Variants in DNAAF5 observed in about 807,000 individuals in gnomAD.
The protein encoded by DNAAF5 is dynein axonemal assembly factor 5, also known as HEAT repeat containing 2.
In DNAAF5, 64 loss-of-function variants were observed where a neutral mutation model predicts 75.8. That is an observed-to-expected ratio of 0.84 (90% CI 0.69 to 1.04). The LOEUF (loss-of-function observed/expected upper bound fraction) is 1.04. Ranked by LOEUF, DNAAF5 falls within the 50% of genes least tolerant of loss-of-function variation. The probability of loss-of-function intolerance (pLI) is 0.00; values close to 1 mark genes in which losing one functional copy is unlikely to be tolerated. For synonymous variants in DNAAF5, 657 were observed against 557.2 expected (o/e 1.18, Z -2.52); for missense variants, 1,269 against 1,178.5 (o/e 1.08, Z -1.12).
chr7:739,707 C>A (rs972633946), intron 2 of DNAAF5, among the ~76,000 whole-genome samples: 2 of 152,184 alleles, frequency 1.3e-5, no homozygotes, highest in African/African-American at 2.4e-5. Flanking sequence ...CCCTGTCAGT[C>A]ATTCTTTCCC....
At chr7:775,487 C>G (rs1023459651) in intron 11 of DNAAF5, among the ~76,000 whole-genome samples, 1 of 151,564 alleles carries the variant, frequency 6.6e-6, no homozygotes, top group Non-Finnish European at 1.5e-5. Context: ...GGCAACAGAC[C>G]AAAACCTTGT....
At chr7:736,459 T>A (rs1227700819) in intron 2 of DNAAF5, among the ~76,000 whole-genome samples, 1 of 152,264 alleles carries the variant, frequency 6.6e-6, no homozygotes, top group Non-Finnish European at 1.5e-5. Context: ...CATTATATGA[T>A]GACCTTTGTC....
At chr7:755,233 A>T (rs974278352) in intron 5 of DNAAF5, among the ~76,000 whole-genome samples, 2 of 151,928 alleles carry the variant, frequency 1.3e-5, no homozygotes, top group African/African-American at 4.8e-5. Context: ...CAGACGGGGG[A>T]TGATGGCACA....
chr7:777,787 A>C (rs2128085885), intron 11 of DNAAF5, among the ~76,000 whole-genome samples: 1 of 152,324 alleles, frequency 6.6e-6, no homozygotes, highest in East Asian at 1.9e-4. Context: ...AGTGACGTGA[A>C]AGCCAGGAAT....
intron 10 of DNAAF5, 83 bp downstream of exon 10, chr7:774,281 G>A (rs1291607922): frequency 2.1e-6 from 3 of 1,405,692 alleles, no homozygotes; most frequent in East Asian, 5.0e-5. Context: ...CCCGCAGCAG[G>A]AACTTGGGCA....
At chr7:771,402 C>G (rs954429508) in intron 9 of DNAAF5, 2 of 152,314 alleles carry the variant, frequency 1.3e-5, no homozygotes, top group Non-Finnish European at 2.9e-5. Context: ...TGGGTCCTAC[C>G]CCCGCCTGTG....
intron 11 of DNAAF5, among the ~76,000 whole-genome samples, chr7:778,912 G>A (rs73036257): frequency 2.0e-5 from 3 of 152,364 alleles, no homozygotes; most frequent in Non-Finnish European, 4.4e-5. Context: ...TGCCGTGCAG[G>A]GCTGCTTCAG....
rs528646224 is a variant in DNAAF5, at chr7:762,018, T to C, written c.1614+122T>C. ...GTGCTTGACCAGCAAAGACCAGGGA[T>C]TGAGAACCTTGCGGGTGAGTCCCCG... On this transcript the variant is annotated intron_variant, in intron 7 of 12. Coordinates refer to ENST00000297440, the MANE Select transcript of DNAAF5 (RefSeq NM_017802.4). 9.7e-6 allele frequency: 11 copies of C among 1,133,388 alleles called. No individual in the cohort carries two copies. In the South Asian group the frequency reaches 1.8e-4, roughly 19 times the overall value. The allele number at this position is 1,133,388 out of a possible 1,614,324, so 70.2% of individuals were successfully genotyped here.
rs767040389 is a variant in DNAAF5, at chr7:754,832, G to A, written c.1257+11G>A. Reference sequence around the variant, plus strand: ...GCCGTGGTCCAAAGTGTAAGTGGCCGTATTCCAGTCGTGGTCGCGGAGCTG... The same window carrying A: ...GCCGTGGTCCAAAGTGTAAGTGGCCATATTCCAGTCGTGGTCGCGGAGCTG... On this transcript the variant is annotated intron_variant, in intron 5 of 12. Coordinates refer to ENST00000297440, the MANE Select transcript of DNAAF5 (RefSeq NM_017802.4). This position sits in a 1 kb window ranked among gnomAD's most constrained non-coding sequence, Gnocchi z 4.8. The A allele has an allele frequency of 9.5e-6, 15 of 1,583,968 alleles. No individual in the cohort carries two copies. Among genetic ancestry groups the A allele is most frequent in the Admixed American group, 5.2e-5 (3 of 58,082 alleles).
intron 4 of DNAAF5, 134 bp downstream of exon 4, chr7:741,599 C>T (rs1483881708): frequency 1.6e-6 from 1 of 615,696 alleles, no homozygotes; most frequent in Non-Finnish European, 2.9e-6. Context: ...GTGCAGGCGT[C>T]TCCCCACTGG....
At chr7:773,842 CCT>C (rs1391200069) in intron 9 of DNAAF5, among the ~76,000 whole-genome samples, 1 of 152,178 alleles carries the variant, frequency 6.6e-6, no homozygotes, top group African/African-American at 2.4e-5. Context: ...CACAGGCACC[CCT>C]GTCTCCCCGG....
intron 12 of DNAAF5, among the ~76,000 whole-genome samples, chr7:783,921 C>T (rs1357559895): frequency 6.6e-6 from 1 of 152,104 alleles, no homozygotes; most frequent in Non-Finnish European, 1.5e-5. Flanking sequence ...CTCTCGCCTC[C>T]CCAGGACTGC....
intron 1 of DNAAF5, 102 bp downstream of exon 1, chr7:727,417 C>T (rs1453021677): frequency 2.2e-5 from 12 of 553,346 alleles, no homozygotes; most frequent in South Asian, 9.1e-5. Context: ...GCCCCGCCCC[C>T]CTCCACGCCC....
intron 8 of DNAAF5, among the ~76,000 whole-genome samples, chr7:769,812 T>C (rs1778492472): frequency 6.6e-6 from 1 of 152,138 alleles, no homozygotes; most frequent in South Asian, 2.1e-4. Context: ...GCTAATTTTG[T>C]ATTTTTAGTA....
At chr7:745,512 CAT>C (rs748124004) in intron 4 of DNAAF5, among the ~76,000 whole-genome samples, 11 of 152,326 alleles carry the variant, frequency 7.2e-5, no homozygotes, top group South Asian at 2.1e-4. Flanking sequence ...CACACGTGCA[CAT>C]ATGCACACGT....
chr7:743,736 C>G (rs557432097), intron 4 of DNAAF5, among the ~76,000 whole-genome samples: 1 of 149,536 alleles, frequency 6.7e-6, no homozygotes, highest in East Asian at 2.0e-4. Context: ...CCTCCAACTT[C>G]CAGGTTCAAG....
In DNAAF5 at chr7:775,110, A is replaced by G; in HGVS notation, c.2187A>G (p.Leu729=). The G allele has an allele frequency of 2.5e-6, 4 of 1,614,150 alleles. No homozygotes were observed. The highest frequency in any genetic ancestry group is 3.4e-6 in the Non-Finnish European group (4 of 1,180,008). The change falls in exon 11 of 13, where the codon TTA becomes TTG. Residue 729 remains leucine, a synonymous_variant. Transcript: ENST00000297440. Reference sequence around the variant, plus strand: ...CATGCCGTATTATCAACACGTTCTTAAAAACCTCGGGCGGCATGACGGATC... The same window carrying G: ...CATGCCGTATTATCAACACGTTCTTGAAAACCTCGGGCGGCATGACGGATC... The part of the protein sequence containing the change: ...LISCRIINTF[L]KTSGGMTDPE...
Position 770,483 on chromosome 7 carries a change from G to A in DNAAF5, c.1796G>A (p.Gly599Glu), listed in dbSNP as rs149924115. 6.3e-5 allele frequency: 102 copies of A among 1,613,404 alleles called. No individual in the cohort carries two copies. The African/African-American group carries it at 1.3e-3, about 21-fold the overall frequency. The change falls in exon 9 of 13, where the codon GGA becomes GAA. Residue 599 changes from glycine to glutamate, a missense_variant. By Grantham distance (98) the Gly-to-Glu change is moderately conservative. Coordinates refer to ENST00000297440, the MANE Select transcript of DNAAF5 (RefSeq NM_017802.4). The part of the protein sequence containing the change: ...VIVAQSGPAL[G>E]EALPHVVPTL... ...TTGTGTCTTACAGGCCCTGCCCTGG[G>A]AGAAGCCCTGCCACACGTCGTGCCC...
chr7:770,289 G>A (rs935594244), intron 8 of DNAAF5, among the ~76,000 whole-genome samples, 182 bp from the exon 9 acceptor site: 7 of 152,202 alleles, frequency 4.6e-5, no homozygotes, highest in Non-Finnish European at 7.3e-5. Context: ...ATTTTGGGGG[G>A]TTAAAATTTT....
Sources: gnomAD v4.1 joint callset for allele counts (sites outside exome capture counted in the v4.1 genomes callset) on GRCh38, gnomAD v4.1.1 for gene constraint, Gnocchi (gnomAD v3.1) non-coding constraint, MANE v1.5 for transcripts, NCBI Gene and HGNC (gene_info 2026-07-23, HGNC 2026-07-21) for gene names.